CTBP2: variants seen among roughly 807,000 people sequenced by gnomAD.
CTBP2 encodes C-terminal-binding protein 2.
A neutral mutation model predicts 80.3 loss-of-function variants in CTBP2; 30 were observed. The observed-to-expected ratio is 0.37, with a 90% CI of 0.28 to 0.51. The LOEUF (loss-of-function observed/expected upper bound fraction) is 0.51, where lower values mean the gene tolerates loss of function less well. CTBP2 is among the 20% of genes least tolerant of loss of function. The pLI is 0.93. For synonymous variants in CTBP2, 594 were observed against 587.4 expected, an observed-to-expected ratio of 1.01 and a Z score of -0.16; for missense variants, 1,212 against 1,375.3, an observed-to-expected ratio of 0.88 and a Z score of 1.88.
At chr10:124,992,985 G>A (rs1407524869) in intron 7 of CTBP2, among the ~76,000 whole-genome samples, 173 bp from the exon 10 acceptor site, 4 of 152,132 alleles carry the variant, frequency 2.6e-5, no homozygotes, top group Non-Finnish European at 4.4e-5. Context: ...TGTGCCCCCC[G>A]ACCCCCGAGT....
chr10:125,075,381 C>T (rs568650427), intron 2 of CTBP2, among the ~76,000 whole-genome samples: 91 of 152,238 alleles, frequency 6.0e-4, no homozygotes, highest in South Asian at 1.0e-3. Flanking sequence ...ATGCTGTTAT[C>T]GTGCGAGTGG....
At chr10:124,990,714 AG>A (rs2134067582) in intron 8 of CTBP2, among the ~76,000 whole-genome samples, 1 of 152,322 alleles carries the variant, frequency 6.6e-6, no homozygotes, top group Admixed American at 6.5e-5. Flanking sequence ...TGACCTTAAG[AG>A]GTAGAGCCCT....
intron 1 of CTBP2, among the ~76,000 whole-genome samples, chr10:125,129,615 C>T (rs1855821733): frequency 6.6e-6 from 1 of 152,038 alleles, no homozygotes; most frequent in African/African-American, 2.4e-5. Flanking sequence ...ATGATCAGAC[C>T]CACCTGTCCG....
chr10:125,097,955 C>A (rs1849798780), intron 2 of CTBP2, among the ~76,000 whole-genome samples: 2 of 152,206 alleles, frequency 1.3e-5, no homozygotes, highest in South Asian at 4.2e-4. Flanking sequence ...CATGGTGAAA[C>A]CCCATCTCTA....
At chr10:125,152,529 T>C (rs1199821915) in intron 1 of CTBP2, among the ~76,000 whole-genome samples, 1 of 152,234 alleles carries the variant, frequency 6.6e-6, no homozygotes, top group African/African-American at 2.4e-5. Flanking sequence ...TCAATATTTC[T>C]TCCTGGCATA....
intron 3 of CTBP2, among the ~76,000 whole-genome samples, chr10:125,033,379 G>A (rs1488398561): frequency 2.6e-5 from 4 of 152,182 alleles, no homozygotes; most frequent in East Asian, 3.9e-4. Context: ...GCCCTCGAGC[G>A]CGCACGCCAA....
intron 6 of CTBP2, 74 bp downstream of exon 8, chr10:124,993,781 G>C (rs1286110417): frequency 2.6e-6 from 4 of 1,525,726 alleles, no homozygotes; most frequent in South Asian, 2.5e-5. Flanking sequence ...AAAGGGCCTC[G>C]AGTTCAAAGT....
chr10:125,094,449 G>A (rs759303064), intron 2 of CTBP2, among the ~76,000 whole-genome samples: 17 of 152,212 alleles, frequency 1.1e-4, no homozygotes, highest in Non-Finnish European at 2.2e-4. Context: ...AGGAAGCAAC[G>A]ATGATGTGGG....
chr10:125,017,214 G>A (rs1021948105), intron 1 of CTBP2, among the ~76,000 whole-genome samples: 7 of 152,230 alleles, frequency 4.6e-5, no homozygotes, highest in African/African-American at 1.7e-4. Context: ...CACGCAGGAG[G>A]CTGTCGACGG....
chr10:124,996,051 T>TTTTTTTG (rs1953486785), intron 4 of CTBP2: 1 of 98,280 alleles, frequency 1.0e-5, no homozygotes, highest in Admixed American at 1.1e-4. Flanking sequence ...TTTCTTTGTT[T>TTTTTTTG]TTTTTTTTTT....
chr10:125,045,899 G>A (rs1961113260), intron 2 of CTBP2, among the ~76,000 whole-genome samples: 1 of 151,910 alleles, frequency 6.6e-6, no homozygotes, highest in Non-Finnish European at 1.5e-5. Context: ...ACCCCAGAGT[G>A]ACATGGTCAC....
chr10:124,989,893 C>T (rs1400187222), intron 8 of CTBP2, among the ~76,000 whole-genome samples, 195 bp from the exon 11 acceptor site: 4 of 152,208 alleles, frequency 2.6e-5, no homozygotes, highest in South Asian at 2.1e-4. Flanking sequence ...TGAGCCACCA[C>T]GCCTAGCTAG....
At chr10:125,007,080 T>C (rs977448097) in intron 1 of CTBP2, among the ~76,000 whole-genome samples, 5 of 152,250 alleles carry the variant, frequency 3.3e-5, no homozygotes, top group Non-Finnish European at 7.3e-5. Flanking sequence ...TGGTGCCCTC[T>C]ATGCGCTATT....
chr10:125,033,960 T>C (rs1418515211), intron 3 of CTBP2, among the ~76,000 whole-genome samples: 5 of 151,944 alleles, frequency 3.3e-5, no homozygotes, highest in African/African-American at 1.2e-4. Flanking sequence ...AGAACCAAAC[T>C]AGAAGACGGT....
rs576231071 is a variant in CTBP2 at position 125,145,090 on chromosome 10, G to A, written c.-206+15229C>T. Reference sequence around the variant, plus strand: ...TATTCCAAGTTTCAAATAATTTAGTGGGTTATTTGAGTTATATAAAATCTT... The same window carrying A: ...TATTCCAAGTTTCAAATAATTTAGTAGGTTATTTGAGTTATATAAAATCTT... On this transcript the variant is annotated intron_variant, in intron 1 of 10. Transcript: ENST00000337195. 8.5e-5 allele frequency among the ~76,000 whole-genome samples: 13 copies of A among 152,264 alleles called. No individual in the cohort carries two copies. The South Asian group carries it at 2.7e-3, about 32-fold the overall frequency.
At chr10:125,014,297 A>G (rs895915650) in intron 1 of CTBP2, among the ~76,000 whole-genome samples, 1 of 152,140 alleles carries the variant, frequency 6.6e-6, no homozygotes, top group Non-Finnish European at 1.5e-5. Flanking sequence ...TCCCATCTCT[A>G]CAAAATTTAC....
chr10:125,011,641 A>G (rs766376621), intron 1 of CTBP2, among the ~76,000 whole-genome samples: 36 of 152,210 alleles, frequency 2.4e-4, no homozygotes, highest in Non-Finnish European at 3.8e-4. Context: ...CAACCCTAGA[A>G]AGACAAGCAC....
intron 1 of CTBP2, among the ~76,000 whole-genome samples, chr10:125,134,366 C>A (rs1856636735): frequency 6.6e-6 from 1 of 152,174 alleles, no homozygotes; most frequent in Admixed American, 6.5e-5. Flanking sequence ...GCAGAGACAA[C>A]AGGGCAGGAG....
intron 2 of CTBP2, among the ~76,000 whole-genome samples, chr10:125,089,597 T>C (rs375611241): frequency 1.3e-5 from 2 of 152,250 alleles, no homozygotes; most frequent in South Asian, 2.1e-4. Flanking sequence ...TCAAAGTGGC[T>C]GAACACACCC....
Sources: gnomAD v4.1 joint callset for allele counts (sites outside exome capture counted in the v4.1 genomes callset) on GRCh38, gnomAD v4.1.1 for gene constraint, MANE v1.5 for transcripts, NCBI Gene and HGNC (gene_info 2026-07-23, HGNC 2026-07-21) for gene names.